MAN2A1: variants seen among roughly 807,000 people sequenced by gnomAD.
The protein encoded by MAN2A1 is alpha-mannosidase 2.
Under a neutral mutation model 142.6 loss-of-function variants are expected in MAN2A1, and 76 were observed. The observed-to-expected ratio is 0.53, with a 90% CI of 0.44 to 0.65. The LOEUF is 0.65. Among genes scored for constraint, MAN2A1 ranks in the 30% least tolerant of loss-of-function variants. MAN2A1 has a pLI of 0.00. For missense variants in MAN2A1, 1,311 were observed against 1,365.1 expected, an observed-to-expected ratio of 0.96 and a Z score of 0.62; for synonymous variants, 559 against 473.2, an observed-to-expected ratio of 1.18 and a Z score of -2.35.
rs141976116 is a variant in MAN2A1, at chr5:109,759,947, CTATATATA to C, written c.835+4502_835+4509del. Among the ~76,000 whole-genome samples, 748 of 104,244 alleles carry C rather than the reference CTATATATA, an allele frequency of 7.2e-3. 5 individuals are homozygous for C. Among genetic ancestry groups the C allele is most frequent in the Admixed American group, 0.018 (192 of 10,954 alleles). The allele number at this position is 104,244 out of a possible 152,430, so 68.4% of individuals were successfully genotyped here. On this transcript the variant is annotated intron_variant, in intron 5 of 21. Coordinates refer to ENST00000261483, the MANE Select transcript of MAN2A1 (RefSeq NM_002372.4). ...CCCATTCTTTTTATTTGAATTGTTG[CTATATATA>C]TATATATATAGATAGATAGATAGAT... is the stretch of plus-strand genomic sequence containing the variant.
rs189046912 is a variant in MAN2A1 at position 109,764,162 on chromosome 5, T to C, written c.836-3373T>C. ...GACTACCATATCCATATTACAAATATATTTCCTGATTCCTCTTAAACTATA... is the reference window on the plus strand; with the variant it reads ...GACTACCATATCCATATTACAAATACATTTCCTGATTCCTCTTAAACTATA... On this transcript the variant is annotated intron_variant, in intron 5 of 21. Transcript: ENST00000261483. 2.6e-5 allele frequency among the ~76,000 whole-genome samples: 4 copies of C among 152,256 alleles called. No homozygotes were observed. The East Asian group carries it at 5.8e-4, about 22-fold the overall frequency.
intron 20 of MAN2A1, among the ~76,000 whole-genome samples, chr5:109,861,124 A>G (rs188453240): frequency 3.6e-4 from 55 of 152,326 alleles, no homozygotes; most frequent in African/African-American, 1.2e-3. Context: ...ACTTAGAGCA[A>G]GTCACTTAAC....
At chr5:109,839,680 C>T (rs1395651768) in intron 16 of MAN2A1, among the ~76,000 whole-genome samples, 6 of 146,750 alleles carry the variant, frequency 4.1e-5, no homozygotes, top group African/African-American at 1.5e-4. Flanking sequence ...AAATAACATT[C>T]CGCATTTCCT....
At chr5:109,795,694 A>G (rs545952981) in intron 12 of MAN2A1, among the ~76,000 whole-genome samples, 1 of 152,352 alleles carries the variant, frequency 6.6e-6, no homozygotes, top group Non-Finnish European at 1.5e-5. Context: ...TTTCCTTTTC[A>G]TAATGTCTAC....
intron 16 of MAN2A1, among the ~76,000 whole-genome samples, chr5:109,837,233 C>G (rs1416486924): frequency 6.6e-6 from 1 of 151,230 alleles, no homozygotes. Flanking sequence ...ATATGTATTA[C>G]TTTCTTGGCT....
intron 16 of MAN2A1, among the ~76,000 whole-genome samples, chr5:109,824,496 T>A (rs1298647317): frequency 6.6e-6 from 1 of 152,210 alleles, no homozygotes; most frequent in Non-Finnish European, 1.5e-5. Context: ...AATTCATTGT[T>A]TGTAGAATGG....
At chr5:109,753,185 A>G (rs1347789074) in intron 4 of MAN2A1, among the ~76,000 whole-genome samples, 3 of 152,222 alleles carry the variant, frequency 2.0e-5, no homozygotes, top group South Asian at 2.1e-4. Flanking sequence ...ATAATTAGAT[A>G]ATAAATCTCA....
At chr5:109,734,962 A>T (rs947856837) in intron 4 of MAN2A1, among the ~76,000 whole-genome samples, 2 of 152,142 alleles carry the variant, frequency 1.3e-5, no homozygotes, top group Non-Finnish European at 2.9e-5. Context: ...TCTAATGTTG[A>T]CAGTGGGGTG....
intron 15 of MAN2A1, among the ~76,000 whole-genome samples, 170 bp downstream of exon 15, chr5:109,820,512 G>A (rs893989437): frequency 2.6e-5 from 4 of 152,152 alleles, no homozygotes; most frequent in African/African-American, 7.2e-5. Context: ...ATTTGTAGTC[G>A]AAAGTTAGAT....
chr5:109,775,529 A>G (rs1753265359), intron 8 of MAN2A1, among the ~76,000 whole-genome samples: 1 of 151,828 alleles, frequency 6.6e-6, no homozygotes, highest in East Asian at 1.9e-4. Context: ...AGTTCTGAAA[A>G]TAGCAAAAAT....
At chr5:109,790,858 C>A (rs1329518429) in intron 12 of MAN2A1, among the ~76,000 whole-genome samples, 1 of 151,964 alleles carries the variant, frequency 6.6e-6, no homozygotes, top group Non-Finnish European at 1.5e-5. Flanking sequence ...ATGCTGGGTG[C>A]AGTGAGGCAG....
chr5:109,804,341 C>T (rs72812792), intron 12 of MAN2A1: 42 of 936,200 alleles, frequency 4.5e-5, no homozygotes, highest in Non-Finnish European at 5.4e-5. Flanking sequence ...CAGAGAGTAG[C>T]GCTTTTTTTA....
chr5:109,777,012 T>G (rs1023377223), intron 8 of MAN2A1, among the ~76,000 whole-genome samples: 17 of 152,180 alleles, frequency 1.1e-4, no homozygotes, highest in African/African-American at 4.1e-4. Flanking sequence ...ATTGGGTATT[T>G]GGGATTGTTC....
rs557521189 is a variant in MAN2A1 at position 109,727,223 on chromosome 5, GT to G, written c.536-2112del. Among the ~76,000 whole-genome samples the G allele has an allele frequency of 6.0e-4, 92 of 152,200 alleles. 1 individual carries two copies. Among genetic ancestry groups the G allele is most frequent in the Middle Eastern group, 3.4e-3 (1 of 294 alleles). On this transcript the variant is annotated intron_variant, in intron 3 of 21. Coordinates refer to ENST00000261483, the MANE Select transcript of MAN2A1 (RefSeq NM_002372.4). ...TAAGTGGCTTAAACAACAGAAATTTGTTTTTTTCACAGTTCGAGGCTAGAAG... is the reference window on the plus strand; with the variant it reads ...TAAGTGGCTTAAACAACAGAAATTTGTTTTTTCACAGTTCGAGGCTAGAAG...
chr5:109,863,511 G>C (rs957616042), intron 20 of MAN2A1: 13 of 152,190 alleles, frequency 8.5e-5, no homozygotes, highest in African/African-American at 3.1e-4. Context: ...TCGTGCACTA[G>C]CGCATTCTGC....
At chr5:109,752,518 C>T (rs1246581598) in intron 4 of MAN2A1, among the ~76,000 whole-genome samples, 8 of 151,976 alleles carry the variant, frequency 5.3e-5, no homozygotes, top group East Asian at 1.9e-4. Flanking sequence ...GGGTAGAGGT[C>T]GGGAGGGAAA....
chr5:109,744,086 A>C (rs574424146), intron 4 of MAN2A1, among the ~76,000 whole-genome samples: 163 of 152,204 alleles, frequency 1.1e-3, no homozygotes, highest in African/African-American at 3.7e-3. Flanking sequence ...TTTAACACTC[A>C]GCTGAAATAT....
intron 3 of MAN2A1, among the ~76,000 whole-genome samples, chr5:109,727,615 G>T (rs1053867353): frequency 8.5e-5 from 13 of 152,110 alleles, no homozygotes; most frequent in African/African-American, 3.1e-4. Flanking sequence ...TGTTTTAATT[G>T]TATACTTTAC....
intron 4 of MAN2A1, among the ~76,000 whole-genome samples, chr5:109,742,461 G>A (rs1441878074): frequency 1.3e-5 from 2 of 152,016 alleles, no homozygotes; most frequent in Admixed American, 1.3e-4. Context: ...TTTTCCCCTA[G>A]GTTTATATTT....
Sources: allele counts gnomAD v4.1 joint callset (sites outside exome capture counted in the v4.1 genomes callset), GRCh38; gene constraint gnomAD v4.1.1; transcripts MANE v1.5; gene names NCBI Gene and HGNC (gene_info 2026-07-23, HGNC 2026-07-21).